The following PPEF1 variants were observed in gnomAD, a reference collection of about 807,000 sequenced individuals.
PPEF1 encodes serine/threonine-protein phosphatase with EF-hands 1.
Under a neutral mutation model 53.3 loss-of-function variants are expected in PPEF1, and 12 were observed. That is an observed-to-expected ratio of 0.23 (90% CI 0.14 to 0.36). The LOEUF (loss-of-function observed/expected upper bound fraction) is 0.36. Ranked by LOEUF, PPEF1 falls within the 10% of genes least tolerant of loss-of-function variation. The probability of loss-of-function intolerance (pLI) is 1.00; values close to 1 mark genes in which losing one functional copy is unlikely to be tolerated. For missense variants in PPEF1, 334 were observed against 490.4 expected (o/e 0.68, Z 3.01); for synonymous variants, 165 against 176.7 (o/e 0.93, Z 0.52).
intron 10 of PPEF1, among the ~76,000 whole-genome samples, chrX:18,798,669 G>A (rs1225965536): frequency 4.5e-5 from 5 of 110,940 alleles, no homozygotes; most frequent in Non-Finnish European, 9.4e-5. Flanking sequence ...TGTCGCCCAG[G>A]CTGGAGTGCA....
intron 3 of PPEF1, among the ~76,000 whole-genome samples, chrX:18,734,638 A>G (rs921345158): frequency 9.0e-6 from 1 of 111,420 alleles, no homozygotes; most frequent in African/African-American, 3.3e-5. Flanking sequence ...CTTTGGGTAT[A>G]TACCCAGTAA....
intron 1 of PPEF1, among the ~76,000 whole-genome samples, chrX:18,684,613 TTC>T (rs1302597822): frequency 1.5e-4 from 16 of 107,520 alleles, no homozygotes; most frequent in African/African-American, 5.1e-4. Flanking sequence ...TAGTATCTTT[TTC>T]TCTCTCTCTT....
chrX:18,728,201 C>A (rs148885057), intron 1 of PPEF1, among the ~76,000 whole-genome samples: 3,656 of 110,094 alleles, frequency 0.033, 148 homozygotes, highest in African/African-American at 0.11. Flanking sequence ...CTCTCTCTCT[C>A]TCTATATATA....
At chrX:18,723,058 C>T (rs1294264080) in intron 1 of PPEF1, among the ~76,000 whole-genome samples, 5 of 105,350 alleles carry the variant, frequency 4.7e-5, no homozygotes, top group Non-Finnish European at 7.8e-5. Context: ...GATCTCGGCT[C>T]ACGGCAACCT....
At chrX:18,776,656 C>T (rs933834221) in intron 6 of PPEF1, among the ~76,000 whole-genome samples, 1 of 111,789 alleles carries the variant, frequency 8.9e-6, no homozygotes, top group Non-Finnish European at 1.9e-5. Context: ...CACAGTGGCT[C>T]ATGCCTGTAA....
chrX:18,715,653 A>G (rs753214598), intron 1 of PPEF1, among the ~76,000 whole-genome samples: 17 of 111,956 alleles, frequency 1.5e-4, no homozygotes, highest in Non-Finnish European at 3.0e-4. Context: ...TACTCTCATT[A>G]TTTCTTACCA....
At chrX:18,748,083 C>T (rs2045366258) in intron 3 of PPEF1, among the ~76,000 whole-genome samples, 1 of 111,683 alleles carries the variant, frequency 9.0e-6, no homozygotes, top group South Asian at 3.7e-4. Context: ...GATGCTCTCC[C>T]TTTCTAGTCT....
intron 3 of PPEF1, among the ~76,000 whole-genome samples, chrX:18,687,234 C>A (rs1265364846): frequency 9.0e-6 from 1 of 111,200 alleles, no homozygotes; most frequent in Non-Finnish European, 1.9e-5. Context: ...CCTAGCAAAT[C>A]AAGTTTTGTT....
intron 1 of PPEF1, among the ~76,000 whole-genome samples, chrX:18,684,370 CAAAAG>C (rs1420061340): frequency 9.0e-6 from 1 of 110,879 alleles, no homozygotes; most frequent in Non-Finnish European, 1.9e-5. Flanking sequence ...AGAAACTTGA[CAAAAG>C]AGAAGGCTGA....
At chrX:18,790,457 GATGCC>G (rs2046303367) in intron 10 of PPEF1, among the ~76,000 whole-genome samples, 1 of 111,215 alleles carries the variant, frequency 9.0e-6, no homozygotes, top group Non-Finnish European at 1.9e-5. Context: ...TAATTTTGGT[GATGCC>G]CAGTCAAAAT....
At chrX:18,826,044 C>T (rs1165103544) in intron 15 of PPEF1, among the ~76,000 whole-genome samples, 1 of 111,907 alleles carries the variant, frequency 8.9e-6, no homozygotes, top group African/African-American at 3.2e-5. Context: ...CAGGCCCCAA[C>T]AGACTAGACT....
chrX:18,709,502 G>GT (rs752416903), intron 1 of PPEF1, among the ~76,000 whole-genome samples: 46,212 of 100,502 alleles, frequency 0.46, 9,185 homozygotes, highest in African/African-American at 0.62. Context: ...TTTGTTTTTT[G>GT]TTTTTTGTTT....
chrX:18,819,528 CA>C (rs199539409), intron 13 of PPEF1, among the ~76,000 whole-genome samples: 1 of 105,995 alleles, frequency 9.4e-6, no homozygotes. Flanking sequence ...ACTAAAAATA[CA>C]AAAAAAAACA....
intron 7 of PPEF1, among the ~76,000 whole-genome samples, chrX:18,782,152 A>G (rs1371859071): frequency 9.0e-6 from 1 of 111,588 alleles, no homozygotes; most frequent in Non-Finnish European, 1.9e-5. Context: ...CAGCTATACT[A>G]TAAGCTCCTT....
At chrX:18,733,839 G>C (rs746229537) in intron 3 of PPEF1, 31 bp downstream of exon 3, 1 of 1,075,704 alleles carries the variant, frequency 9.3e-7, no homozygotes, top group Non-Finnish European at 1.3e-6. Context: ...TTTCAAATGT[G>C]TCATTAAATA....
At chrX:18,718,666 G>T (rs2044515010) in intron 1 of PPEF1, among the ~76,000 whole-genome samples, 1 of 111,966 alleles carries the variant, frequency 8.9e-6, no homozygotes, top group African/African-American at 3.2e-5. Flanking sequence ...TTGTTTAAAT[G>T]ATTTTTACTG....
intron 4 of PPEF1, among the ~76,000 whole-genome samples, chrX:18,754,983 G>C (rs1408356876): frequency 9.0e-6 from 1 of 111,509 alleles, no homozygotes; most frequent in Non-Finnish European, 1.9e-5. Flanking sequence ...AGAAAACTGA[G>C]GCAAACAACA....
intron 12 of PPEF1, among the ~76,000 whole-genome samples, chrX:18,813,397 A>C (rs2046847272): frequency 9.1e-6 from 1 of 110,206 alleles, no homozygotes; most frequent in Non-Finnish European, 1.9e-5. Flanking sequence ...AAAAAAAAAA[A>C]ACAATTGATT....
chrX:18,709,965 C>T (rs2044290034), intron 1 of PPEF1, among the ~76,000 whole-genome samples: 2 of 112,013 alleles, frequency 1.8e-5, no homozygotes, highest in East Asian at 2.8e-4. Flanking sequence ...ATTCTACATT[C>T]CTACCAGCAG....
Sources: gnomAD v4.1 joint callset for allele counts (sites outside exome capture counted in the v4.1 genomes callset) on GRCh38, gnomAD v4.1.1 for gene constraint, MANE v1.5 for transcripts, NCBI Gene and HGNC (gene_info 2026-07-23, HGNC 2026-07-21) for gene names.